Variants in ATP8B4 observed in about 807,000 individuals in gnomAD.
ATP8B4 encodes the protein probable phospholipid-transporting ATPase IM.
ATP8B4 carries 133 observed loss-of-function variants against 145.6 expected under a neutral mutation model. That is an observed-to-expected ratio of 0.91 (90% CI 0.79 to 1.05). The LOEUF is 1.05. Among genes scored for constraint, ATP8B4 ranks in the 50% least tolerant of loss-of-function variants. The pLI is 0.00. For synonymous variants in ATP8B4, 507 were observed against 492.9 expected, an observed-to-expected ratio of 1.03 and a Z score of -0.38; for missense variants, 1,458 against 1,425.2, an observed-to-expected ratio of 1.02 and a Z score of -0.37.
chr15:49,936,911 G>A (rs28555213), intron 14 of ATP8B4, among the ~76,000 whole-genome samples: 24,096 of 151,150 alleles, frequency 0.16, 3,232 homozygotes, highest in African/African-American at 0.37. Flanking sequence ...GAATGTTTTG[G>A]TTTGTCAAGA....
chr15:49,918,216 G>T (rs542332250), intron 19 of ATP8B4, among the ~76,000 whole-genome samples: 1 of 152,190 alleles, frequency 6.6e-6, no homozygotes, highest in Non-Finnish European at 1.5e-5. Context: ...AGTAGAACAC[G>T]ATGATTCACT....
At chr15:50,004,110 A>G (rs1024618967) in intron 7 of ATP8B4, among the ~76,000 whole-genome samples, 2 of 152,036 alleles carry the variant, frequency 1.3e-5, no homozygotes, top group Non-Finnish European at 2.9e-5. Flanking sequence ...CTACTCCTTG[A>G]TGGCCTTGCT....
At chr15:49,954,074 CT>C (rs34828291) in intron 14 of ATP8B4, among the ~76,000 whole-genome samples, 20,138 of 152,004 alleles carry the variant, frequency 0.13, 1,688 homozygotes, top group East Asian at 0.34. Flanking sequence ...CTTATTATGG[CT>C]TTTTTTATGG....
intron 6 of ATP8B4, among the ~76,000 whole-genome samples, chr15:50,035,622 T>G (rs895657376): frequency 5.3e-5 from 8 of 152,146 alleles, no homozygotes; most frequent in African/African-American, 1.7e-4. Flanking sequence ...CACATAGTAG[T>G]TGCTCAATAA....
At chr15:49,961,816 T>C (rs901343183) in intron 14 of ATP8B4, among the ~76,000 whole-genome samples, 161 bp downstream of exon 14, 4 of 152,054 alleles carry the variant, frequency 2.6e-5, no homozygotes, top group Admixed American at 6.5e-5. Context: ...TTCAGTAATA[T>C]GAGAAGGAAT....
intron 21 of ATP8B4, among the ~76,000 whole-genome samples, chr15:49,899,121 T>C (rs1023340932): frequency 6.6e-6 from 1 of 152,156 alleles, no homozygotes; most frequent in African/African-American, 2.4e-5. Flanking sequence ...CTATCACCAC[T>C]TTTAAGTCTA....
At chr15:49,901,864 T>G (rs1242749640) in intron 20 of ATP8B4, 1 of 398,716 alleles carries the variant, frequency 2.5e-6, no homozygotes, top group Non-Finnish European at 4.8e-6. Context: ...AGAATAAATC[T>G]TCTAGGAAAA....
intron 2 of ATP8B4, among the ~76,000 whole-genome samples, chr15:50,091,570 A>T (rs2055613755): frequency 6.6e-6 from 1 of 152,092 alleles, no homozygotes; most frequent in East Asian, 1.9e-4. Context: ...GTATTTAATC[A>T]TTTTATTTTT....
At chr15:49,934,301 T>G (rs1457241545) in intron 14 of ATP8B4, 119 bp from the exon 15 acceptor site, 3 of 1,165,634 alleles carry the variant, frequency 2.6e-6, no homozygotes, top group Admixed American at 2.9e-5. Context: ...CTCAAATGTC[T>G]GGCACTAAAA....
At chr15:50,124,900 T>C (rs946218569) in intron 1 of ATP8B4, among the ~76,000 whole-genome samples, 1 of 152,218 alleles carries the variant, frequency 6.6e-6, no homozygotes, top group African/African-American at 2.4e-5. Context: ...AGCCAGACTA[T>C]TGGCAACTCT....
intron 14 of ATP8B4, among the ~76,000 whole-genome samples, chr15:49,957,610 G>A (rs1275398414): frequency 2.0e-5 from 3 of 151,880 alleles, no homozygotes; most frequent in African/African-American, 7.2e-5. Context: ...AAATATAAAC[G>A]AAAAATACTC....
chr15:50,140,809 C>T (rs1384504680), intron 1 of ATP8B4, among the ~76,000 whole-genome samples: 6 of 152,126 alleles, frequency 3.9e-5, no homozygotes, highest in African/African-American at 1.4e-4. Context: ...GACTTTTAGG[C>T]CCCACTCCTG....
At chr15:50,179,159 T>C (rs1370627185) in intron 1 of ATP8B4, among the ~76,000 whole-genome samples, 1 of 152,218 alleles carries the variant, frequency 6.6e-6, no homozygotes, top group South Asian at 2.1e-4. Context: ...TTTTGGTCCA[T>C]TTTAAAATAT....
intron 1 of ATP8B4, among the ~76,000 whole-genome samples, chr15:50,167,223 T>C (rs1304023862): frequency 6.6e-6 from 1 of 152,246 alleles, no homozygotes; most frequent in Non-Finnish European, 1.5e-5. Context: ...CTAGGGCTAC[T>C]GTAACAAATC....
At chr15:49,860,590 A>C (rs2031491865) in intron 27 of ATP8B4, 115 bp from the exon 28 acceptor site, 6 of 1,266,772 alleles carry the variant, frequency 4.7e-6, no homozygotes, top group Non-Finnish European at 6.4e-6. Context: ...AACATTGCAA[A>C]AGGAAGTTTT....
intron 2 of ATP8B4, among the ~76,000 whole-genome samples, chr15:50,105,594 G>A (rs1164205431): frequency 1.3e-5 from 2 of 151,970 alleles, no homozygotes; most frequent in African/African-American, 2.4e-5. Context: ...TATTTGGATC[G>A]ATATACACAA....
At chr15:49,983,495 C>T (rs561694827) in intron 10 of ATP8B4, among the ~76,000 whole-genome samples, 1 of 152,246 alleles carries the variant, frequency 6.6e-6, no homozygotes, top group South Asian at 2.1e-4. Flanking sequence ...CTCTCCTTTC[C>T]TAATCTGAGG....
At chr15:49,939,535 T>C (rs967111408) in intron 14 of ATP8B4, among the ~76,000 whole-genome samples, 1 of 151,924 alleles carries the variant, frequency 6.6e-6, no homozygotes, top group Non-Finnish European at 1.5e-5. Context: ...ACACACAATA[T>C]CCCAAGATTG....
chr15:50,077,024 C>A (rs1567314173), intron 2 of ATP8B4, among the ~76,000 whole-genome samples: 1 of 152,180 alleles, frequency 6.6e-6, no homozygotes, highest in Non-Finnish European at 1.5e-5. Flanking sequence ...GAGAACGGCT[C>A]AGAGGTTCAA....
Sources: allele counts gnomAD v4.1 joint callset (sites outside exome capture counted in the v4.1 genomes callset), GRCh38; gene constraint gnomAD v4.1.1; transcripts MANE v1.5; gene names NCBI Gene and HGNC (gene_info 2026-07-23, HGNC 2026-07-21).